GCLM: variants seen among roughly 807,000 people sequenced by gnomAD.
GCLM encodes the protein glutamate-cysteine ligase modifier subunit, also known as glutamate--cysteine ligase regulatory subunit.
In GCLM, 15 loss-of-function variants were observed where a neutral mutation model predicts 36.0. That is an observed-to-expected ratio of 0.42 (90% CI 0.28 to 0.64). GCLM has a LOEUF of 0.64. Ranked by LOEUF, GCLM falls within the 30% of genes least tolerant of loss-of-function variation. The pLI is 0.25. For missense variants in GCLM, 242 were observed against 325.5 expected (o/e 0.74, Z 1.97); for synonymous variants, 129 against 122.8 (o/e 1.05, Z -0.34).
intron 1 of GCLM, among the ~76,000 whole-genome samples, chr1:93,906,504 GTC>G (rs773755317): frequency 2.6e-5 from 4 of 152,138 alleles, no homozygotes; most frequent in Non-Finnish European, 4.4e-5. Flanking sequence ...AGGAAGGTAA[GTC>G]TATTTTTATA....
rs1656304012 is a variant in GCLM, at chr1:93,886,406, G to A, written c.*2584C>T. On this transcript the variant is annotated 3_prime_UTR_variant, in exon 7 of 7. Coordinates refer to ENST00000370238, the MANE Select transcript of GCLM (RefSeq NM_002061.4). ...TTAAACATTAAGTCCTTAAATATTTGAAAAGTGTTCACTATATTCTGATAG... is the reference window on the plus strand; with the variant it reads ...TTAAACATTAAGTCCTTAAATATTTAAAAAGTGTTCACTATATTCTGATAG... 1 of 151,806 alleles carries A rather than the reference G, an allele frequency of 6.6e-6. No individual in the cohort carries two copies. Among genetic ancestry groups the A allele is most frequent in the Non-Finnish European group, 1.5e-5 (1 of 67,978 alleles). The allele number at this position is 151,806 out of a possible 1,614,324, so 9.4% of individuals were successfully genotyped here. A position where few individuals can be genotyped will look rare whatever the true frequency, so the allele number is the denominator to read the frequency against.
rs1656400046 is a variant in GCLM, at chr1:93,888,334, T to A, written c.*656A>T. 1 of 152,190 alleles carries A rather than the reference T, an allele frequency of 6.6e-6. No individual in the cohort carries two copies. The highest frequency in any genetic ancestry group is 1.5e-5 in the Non-Finnish European group (1 of 68,028). 9.4% of individuals were successfully genotyped at this position (152,190 alleles called of 1,614,324 possible). On this transcript the variant is annotated 3_prime_UTR_variant, in exon 7 of 7. Transcript: ENST00000370238. ...TCAAAGCTTCTAGTCTCCTTTCAGA[T>A]TTACTTTGGTTTGTCTTTATAAGTA... is the stretch of plus-strand genomic sequence containing the variant.
At chr1:93,908,973 C>A in intron 1 of GCLM, 65 bp downstream of exon 1, 1 of 1,325,452 alleles carries the variant, frequency 7.5e-7, no homozygotes, top group Non-Finnish European at 9.7e-7. Context: ...TCTCCCTTGC[C>A]GGAACCGCCC....
In GCLM at chr1:93,888,922, G is replaced by T; in HGVS notation, c.*68C>A. ...TGACACCATTTACAGGCAGTAACTA[G>T]ATTTTTACACATCTCAATTTTCTCT... On this transcript the variant is annotated 3_prime_UTR_variant, in exon 7 of 7. Transcript: ENST00000370238. 2.7e-6 allele frequency: 3 copies of T among 1,105,194 alleles called. No individual in the cohort carries two copies. The highest frequency in any genetic ancestry group is 1.7e-5 in the South Asian group (1 of 58,738). 68.5% of individuals were successfully genotyped at this position (1,105,194 alleles called of 1,614,324 possible).
At chr1:93,902,447 G>A (rs1371983395) in intron 2 of GCLM, among the ~76,000 whole-genome samples, 1 of 128,442 alleles carries the variant, frequency 7.8e-6, no homozygotes, top group Non-Finnish European at 1.5e-5. Context: ...CAAAGTGCTG[G>A]GATTACAGGC....
chr1:93,896,832 G>A lies in GCLM; in HGVS notation c.338-12C>T, dbSNP rs17878692. On this transcript the variant is annotated splice_polypyrimidine_tract_variant and intron_variant, in intron 4 of 6. Coordinates refer to ENST00000370238, the MANE Select transcript of GCLM (RefSeq NM_002061.4). Reference sequence around the variant, plus strand: ...AAGGACTGAACAGGCTGATAGGAAGGAAGACACAAAGAAAATAAATGCTTA... The same window carrying A: ...AAGGACTGAACAGGCTGATAGGAAGAAAGACACAAAGAAAATAAATGCTTA... 522 of 1,487,860 alleles carry A rather than the reference G, an allele frequency of 3.5e-4. 2 individuals carry two copies. In the African/African-American group the frequency reaches 6.0e-3, roughly 17 times the overall value. 92.2% of individuals were successfully genotyped at this position (1,487,860 alleles called of 1,614,324 possible).
intron 2 of GCLM, 21 bp downstream of exon 2, chr1:93,904,502 T>C: frequency 6.6e-7 from 1 of 1,511,184 alleles, no homozygotes; most frequent in Non-Finnish European, 9.2e-7. Context: ...TGCATGATTT[T>C]TGCATTCACA....
intron 1 of GCLM, among the ~76,000 whole-genome samples, chr1:93,908,148 A>T (rs1276011406): frequency 6.6e-6 from 1 of 152,202 alleles, no homozygotes; most frequent in Admixed American, 6.5e-5. Flanking sequence ...AAAGTCATAT[A>T]GCTCCTAAAT....
At chr1:93,898,303 G>GAAAAAAA (rs58007552) in intron 3 of GCLM, among the ~76,000 whole-genome samples, 2 of 16,430 alleles carry the variant, frequency 1.2e-4, no homozygotes, top group Non-Finnish European at 2.4e-4. Context: ...GAAGAAAACT[G>GAAAAAAA]AAAAAAAAAA....
At chr1:93,890,274 CAGA>C (rs1052491764) in intron 6 of GCLM, among the ~76,000 whole-genome samples, 35 of 152,086 alleles carry the variant, frequency 2.3e-4, no homozygotes, top group Non-Finnish European at 1.6e-4. Flanking sequence ...GATGGTAGGA[CAGA>C]AGGACTATAT....
Position 93,909,171 on chromosome 1 carries a change from G to T in GCLM, c.-8C>A. The T allele has an allele frequency of 7.7e-7, 1 of 1,298,354 alleles. No individual in the cohort carries two copies. The highest frequency in any genetic ancestry group is 9.8e-7 in the Non-Finnish European group (1 of 1,022,602). 80.4% of individuals were successfully genotyped at this position (1,298,354 alleles called of 1,614,324 possible). A position where few individuals can be genotyped will look rare whatever the true frequency, so the allele number is the denominator to read the frequency against. On this transcript the variant is annotated 5_prime_UTR_variant, in exon 1 of 7. Coordinates refer to ENST00000370238, the MANE Select transcript of GCLM (RefSeq NM_002061.4). ...GCGGCTGTCGGTGCCCATGGCAGCG[G>T]CCGCCCAGGGGCCGCGCAGCGAAGG...
intron 3 of GCLM, 35 bp from the exon 4 acceptor site, chr1:93,897,933 T>C: frequency 1.7e-6 from 2 of 1,198,248 alleles, no homozygotes; most frequent in Non-Finnish European, 2.3e-6. Flanking sequence ...GATTACTACA[T>C]TTGGATACAC....
chr1:93,904,454 G>T, intron 2 of GCLM, 69 bp downstream of exon 2: 1 of 1,013,928 alleles, frequency 9.9e-7, no homozygotes, highest in South Asian at 1.3e-5. Flanking sequence ...CAAAACTGAA[G>T]AAATTAACTT....
intron 1 of GCLM, among the ~76,000 whole-genome samples, chr1:93,907,606 G>A (rs966811403): frequency 1.3e-5 from 2 of 152,032 alleles, no homozygotes; most frequent in African/African-American, 2.4e-5. Context: ...ATCAATATAC[G>A]TGCAAAATTC....
rs779608944 is a variant in GCLM at position 93,888,180 on chromosome 1, G to A, written c.*810C>T. On this transcript the variant is annotated 3_prime_UTR_variant, in exon 7 of 7. Transcript: ENST00000370238. Reference sequence around the variant, plus strand: ...CAGAGCCCACAGTATCCCAACATATGGTAAATACTCAATACTTATTGAGGA... The same window carrying A: ...CAGAGCCCACAGTATCCCAACATATAGTAAATACTCAATACTTATTGAGGA... 3 of 151,850 alleles carry A rather than the reference G, an allele frequency of 2.0e-5. No homozygotes were observed. The highest frequency in any genetic ancestry group is 2.9e-5 in the Non-Finnish European group (2 of 67,960). The allele number at this position is 151,850 out of a possible 1,614,324, so 9.4% of individuals were successfully genotyped here.
intron 1 of GCLM, among the ~76,000 whole-genome samples, chr1:93,906,987 A>T (rs561001211): frequency 1.1e-4 from 16 of 152,326 alleles, no homozygotes; most frequent in African/African-American, 3.4e-4. Context: ...AACATTTTTT[A>T]AAAAATTAGA....
intron 6 of GCLM, among the ~76,000 whole-genome samples, chr1:93,892,879 G>A (rs1194850550): frequency 6.6e-6 from 1 of 151,998 alleles, no homozygotes; most frequent in Non-Finnish European, 1.5e-5. Flanking sequence ...AACAATTACT[G>A]TTAGAAGAGC....
intron 1 of GCLM, among the ~76,000 whole-genome samples, chr1:93,906,919 T>A (rs1188239151): frequency 1.3e-5 from 2 of 152,158 alleles, no homozygotes; most frequent in East Asian, 3.8e-4. Context: ...ATGGTCCACT[T>A]ACAAACTATT....
chr1:93,886,904 TTACA>T lies in GCLM; in HGVS notation c.*2082_*2085del, dbSNP rs1656326491. ...TGAACTATATATATATTTAATAACA[TTACA>T]TACAATTAATATAAAGGCTAGAAGG... On this transcript the variant is annotated 3_prime_UTR_variant, in exon 7 of 7. Transcript: ENST00000370238. The T allele has an allele frequency of 6.6e-6, 1 of 152,006 alleles. No homozygotes were observed. Among genetic ancestry groups the T allele is most frequent in the African/African-American group, 2.4e-5 (1 of 41,398 alleles). 9.4% of individuals were successfully genotyped at this position (152,006 alleles called of 1,614,324 possible). A position where few individuals can be genotyped will look rare whatever the true frequency, so the allele number is the denominator to read the frequency against.
Sources: allele counts gnomAD v4.1 joint callset (sites outside exome capture counted in the v4.1 genomes callset), GRCh38; gene constraint gnomAD v4.1.1; transcripts MANE v1.5; gene names NCBI Gene and HGNC (gene_info 2026-07-23, HGNC 2026-07-21).